Variants in EPB41L1 observed in about 807,000 individuals in gnomAD.
EPB41L1 encodes erythrocyte membrane protein band 4.1 like 1.
EPB41L1 carries 29 observed loss-of-function variants against 97.8 expected under a neutral mutation model. The ratio of observed to expected loss-of-function variants is 0.30; its 90% CI spans 0.22 to 0.40. The LOEUF is 0.40. Ranked by LOEUF, EPB41L1 falls within the 10% of genes least tolerant of loss-of-function variation. The pLI, the probability that EPB41L1 is intolerant of heterozygous loss-of-function variation, is 1.00. For missense variants in EPB41L1, 812 were observed against 1,162.3 expected (o/e 0.70, Z 4.38); for synonymous variants, 383 against 459.2 (o/e 0.83, Z 2.12).
chr20:36,200,762 T>A, intron 14 of EPB41L1: 1 of 400,232 alleles, frequency 2.5e-6, no homozygotes, highest in Non-Finnish European at 5.0e-6. Flanking sequence ...TTATGGACTT[T>A]GTGTGTGTGT....
At chr20:36,117,248 C>G (rs899106153) in intron 2 of EPB41L1, among the ~76,000 whole-genome samples, 2 of 152,146 alleles carry the variant, frequency 1.3e-5, no homozygotes, top group Non-Finnish European at 2.9e-5. Flanking sequence ...TGCCTGAGAG[C>G]TGGAGGGGTG....
At chr20:36,130,248 T>TG (rs1600468643) in intron 2 of EPB41L1, among the ~76,000 whole-genome samples, 3 of 123,706 alleles carry the variant, frequency 2.4e-5, no homozygotes, top group African/African-American at 1.4e-4. Context: ...AGCAGTGTTT[T>TG]TTTTTTTGTT....
intron 4 of EPB41L1, 89 bp from the exon 5 acceptor site, chr20:36,178,541 G>T: frequency 7.4e-7 from 1 of 1,348,834 alleles, no homozygotes; most frequent in South Asian, 1.2e-5. Context: ...AGGGGCTGCT[G>T]ACCAGCCATT....
At chr20:36,103,907 T>A (rs1405633137) in intron 1 of EPB41L1, among the ~76,000 whole-genome samples, 3 of 152,068 alleles carry the variant, frequency 2.0e-5, no homozygotes, top group Non-Finnish European at 2.9e-5. Flanking sequence ...GGTTTCACCG[T>A]GTTAGCCAGG....
At chr20:36,178,297 A>T (rs2061334163) in intron 4 of EPB41L1, among the ~76,000 whole-genome samples, 1 of 152,054 alleles carries the variant, frequency 6.6e-6, no homozygotes, top group South Asian at 2.1e-4. Context: ...TTGCTGGGGG[A>T]GCTGAGGAGC....
intron 14 of EPB41L1, among the ~76,000 whole-genome samples, chr20:36,201,472 C>G (rs1453582733): frequency 6.6e-6 from 1 of 152,134 alleles, no homozygotes; most frequent in East Asian, 1.9e-4. Flanking sequence ...GCCTTAAGGT[C>G]TTTTCTCTGT....
rs570269855 is a variant in EPB41L1, at chr20:36,162,221, C to A, written c.-15+7325C>A. On this transcript the variant is annotated intron_variant, in intron 1 of 21. Coordinates refer to ENST00000338074, the MANE Select transcript of EPB41L1 (RefSeq NM_012156.2). ...GTAACTGCTGTTTCCTGCCCACTCT[C>A]AACAGTGGCTAATTGGTGAGGTCCA... Among the ~76,000 whole-genome samples, 14 of 152,338 alleles carry A rather than the reference C, an allele frequency of 9.2e-5. No homozygotes were observed. In the East Asian group the frequency reaches 2.7e-3, roughly 29 times the overall value.
intron 1 of EPB41L1, among the ~76,000 whole-genome samples, chr20:36,166,349 A>G (rs2752897): frequency 6.6e-6 from 1 of 152,228 alleles, no homozygotes; most frequent in African/African-American, 2.4e-5. Context: ...CCTATTACCC[A>G]TTATAGGTTA....
rs572517308 is a variant in EPB41L1, at chr20:36,163,909, T to C, written c.-15+9013T>C. Among the ~76,000 whole-genome samples the C allele has an allele frequency of 3.9e-5, 6 of 152,118 alleles. No individual in the cohort carries two copies. The South Asian group carries it at 1.2e-3, about 32-fold the overall frequency. Reference sequence around the variant, plus strand: ...AGAGTCTCTGTCGTCCAGGCTAGAGTGCAGTAGCATGATCTTGGCTCACTG... The same window carrying C: ...AGAGTCTCTGTCGTCCAGGCTAGAGCGCAGTAGCATGATCTTGGCTCACTG... On this transcript the variant is annotated intron_variant, in intron 1 of 21. Coordinates refer to ENST00000338074, the MANE Select transcript of EPB41L1 (RefSeq NM_012156.2).
chr20:36,190,653 T>G lies in EPB41L1; in HGVS notation c.1156T>G (p.Phe386Val), dbSNP rs1293823577. 1 of 1,613,632 alleles carries G rather than the reference T, an allele frequency of 6.2e-7. No homozygotes were observed. Among genetic ancestry groups the G allele is most frequent in the East Asian group, 2.2e-5 (1 of 44,818 alleles). The change falls in exon 11 of 22, where the codon TTC (phenylalanine) becomes GTC (valine). Residue 386 changes from phenylalanine (F) to valine (V), a missense_variant. Phe to Val is a conservative substitution (Grantham distance 50). Coordinates refer to ENST00000338074, the MANE Select transcript of EPB41L1 (RefSeq NM_012156.2). This position sits in a 1 kb window ranked among gnomAD's most constrained non-coding sequence, Gnocchi z 5.8. ...GTCCCCTGAGCCCCCACCCAAGGGC[T>G]TCCTGGTGATGGGCTCCAAGTTCCG... ...LVSPEPPPKGFLVMGSKFRYS... is the reference protein window; with the variant it reads ...LVSPEPPPKGVLVMGSKFRYS...
chr20:36,210,706 AC>A (rs939015668), intron 15 of EPB41L1, among the ~76,000 whole-genome samples: 3 of 151,840 alleles, frequency 2.0e-5, no homozygotes, highest in African/African-American at 7.3e-5. Flanking sequence ...TGCTTTCCTG[AC>A]CACCCTGGGC....
rs181253825 is a variant in EPB41L1, at chr20:36,198,153, T to C, written c.1668+112T>C. The C allele has an allele frequency of 2.0e-4, 196 of 996,996 alleles. 1 individual carries two copies. In the African/African-American group the frequency reaches 2.8e-3, roughly 14 times the overall value. 61.8% of individuals were successfully genotyped at this position (996,996 alleles called of 1,614,324 possible). A position where few individuals can be genotyped will look rare whatever the true frequency, so the allele number is the denominator to read the frequency against. On this transcript the variant is annotated intron_variant, in intron 14 of 21. Transcript: ENST00000338074. The stretch of plus-strand genomic sequence containing the variant: ...CCAATATGCTTCCCCCATTGCTGCT[T>C]AGGGGCTGGTGGGGATGGAGAGGGT...
intron 2 of EPB41L1, among the ~76,000 whole-genome samples, chr20:36,122,260 A>G (rs776867584): frequency 1.2e-4 from 19 of 152,076 alleles, no homozygotes; most frequent in Non-Finnish European, 2.4e-4. Flanking sequence ...CAAACAGCCT[A>G]TAGGTTGAGT....
intron 19 of EPB41L1, among the ~76,000 whole-genome samples, chr20:36,220,154 C>G (rs1348705303): frequency 1.3e-5 from 2 of 152,228 alleles, no homozygotes. Context: ...ATATGGGAGG[C>G]CCTGCAAGAG....
intron 1 of EPB41L1, among the ~76,000 whole-genome samples, chr20:36,173,256 T>G (rs2061073792): frequency 6.6e-6 from 1 of 152,238 alleles, no homozygotes; most frequent in South Asian, 2.1e-4. Context: ...TTCTGTGAAG[T>G]TAGCAGGGCA....
intron 1 of EPB41L1, among the ~76,000 whole-genome samples, chr20:36,163,776 A>G (rs2060626512): frequency 6.6e-6 from 1 of 152,202 alleles, no homozygotes; most frequent in Non-Finnish European, 1.5e-5. Context: ...CTCAGCCACC[A>G]CCAGGACCAC....
intron 21 of EPB41L1, 50 bp from the exon 22 acceptor site, chr20:36,229,282 T>C (rs932042818): frequency 3.3e-6 from 5 of 1,495,422 alleles, no homozygotes; most frequent in Non-Finnish European, 4.6e-6. Context: ...TCTTCCTTCC[T>C]TTCCCCCCAC....
intron 11 of EPB41L1, among the ~76,000 whole-genome samples, chr20:36,191,026 C>T (rs989081084): frequency 1.3e-5 from 2 of 152,176 alleles, no homozygotes; most frequent in African/African-American, 4.8e-5. Context: ...TCTCTGGATT[C>T]CCCACAACTT....
chr20:36,112,080 G>A (rs758233743), intron 1 of EPB41L1, among the ~76,000 whole-genome samples: 20 of 152,104 alleles, frequency 1.3e-4, no homozygotes, highest in South Asian at 2.1e-4. Context: ...TCATATCTCC[G>A]CTGGATAATC....
Sources: gnomAD v4.1 joint callset for allele counts (sites outside exome capture counted in the v4.1 genomes callset) on GRCh38, gnomAD v4.1.1 for gene constraint, Gnocchi (gnomAD v3.1) non-coding constraint, MANE v1.5 for transcripts, NCBI Gene and HGNC (gene_info 2026-07-23, HGNC 2026-07-21) for gene names.